Variants in TRPM7 observed in about 807,000 individuals in gnomAD.
TRPM7 encodes the protein transient receptor potential cation channel subfamily M member 7.
TRPM7 carries 134 observed loss-of-function variants against 229.7 expected under a neutral mutation model. The ratio of observed to expected loss-of-function variants is 0.58; its 90% CI spans 0.51 to 0.67. The LOEUF is 0.67. Ranked by LOEUF, TRPM7 falls within the 30% of genes least tolerant of loss-of-function variation. The pLI is 0.00. For synonymous variants in TRPM7, 699 were observed against 715.2 expected (o/e 0.98, Z 0.36); for missense variants, 1,901 against 2,210.0 (o/e 0.86, Z 2.80).
Position 50,630,221 on chromosome 15 carries a change from T to G in TRPM7, c.1204+1196A>C, listed in dbSNP as rs914261532. Among the ~76,000 whole-genome samples the G allele has an allele frequency of 2.1e-5, 3 of 145,704 alleles. No individual in the cohort carries two copies. The East Asian group carries it at 6.9e-4, about 34-fold the overall frequency. On this transcript the variant is annotated intron_variant, in intron 10 of 38. Transcript: ENST00000646667. ...TTTTTTTTCCTTTTTGGTTTCTAGG[T>G]TTCCTATCACTTGTGATCTCTTGAT... is the stretch of plus-strand genomic sequence containing the variant.
chr15:50,587,748 A>T (rs1221828990), intron 27 of TRPM7, among the ~76,000 whole-genome samples: 1 of 152,192 alleles, frequency 6.6e-6, no homozygotes, highest in Non-Finnish European at 1.5e-5. Context: ...AAGAAAAAGA[A>T]AATGTGATGA....
intron 1 of TRPM7, among the ~76,000 whole-genome samples, chr15:50,674,324 G>A (rs2062050105): frequency 6.6e-6 from 1 of 151,952 alleles, no homozygotes; most frequent in African/African-American, 2.4e-5. Flanking sequence ...TAGAGATGAG[G>A]TTTCACCATG....
intron 8 of TRPM7, among the ~76,000 whole-genome samples, chr15:50,633,330 T>C (rs930063011): frequency 2.0e-5 from 3 of 152,208 alleles, no homozygotes; most frequent in Non-Finnish European, 4.4e-5. Context: ...TTCTTAAACA[T>C]AGGAACTCAC....
intron 12 of TRPM7, among the ~76,000 whole-genome samples, chr15:50,623,705 G>A (rs956976878): frequency 6.6e-5 from 10 of 151,466 alleles, no homozygotes; most frequent in African/African-American, 2.2e-4. Flanking sequence ...TACGAGAATA[G>A]TAAGTTTTCA....
intron 1 of TRPM7, among the ~76,000 whole-genome samples, chr15:50,680,104 G>A (rs1185738971): frequency 6.6e-6 from 1 of 151,862 alleles, no homozygotes; most frequent in Non-Finnish European, 1.5e-5. Flanking sequence ...CATGGTGGCG[G>A]GTGCCTGTAA....
chr15:50,594,252 C>A (rs1342581662), intron 24 of TRPM7, among the ~76,000 whole-genome samples, 177 bp downstream of exon 24: 1 of 152,120 alleles, frequency 6.6e-6, no homozygotes, highest in African/African-American at 2.4e-5. Flanking sequence ...ATGCTAAATC[C>A]ATTTTTATAG....
Position 50,574,866 on chromosome 15 carries a change from G to A in TRPM7, c.5005C>T (p.His1669Tyr), listed in dbSNP as rs1243938288. ...SSIYKEDTVL[H>Y]LCLREIQQQR... The stretch of plus-strand genomic sequence containing the variant: ...CTGACACTTACTCTCAGACAGAGAT[G>A]CAGAACTGTATCTTCTTTGTAAATA... Residue 1669 changes from histidine to tyrosine, a missense_variant, in exon 34 of 39, where the codon CAT becomes TAT. His to Tyr is a moderately conservative substitution (Grantham distance 83). Transcript: ENST00000646667. 3 of 1,611,224 alleles carry A rather than the reference G, an allele frequency of 1.9e-6. No individual in the cohort carries two copies. Among genetic ancestry groups the A allele is most frequent in the Non-Finnish European group, 2.5e-6 (3 of 1,178,102 alleles).
In TRPM7 at chr15:50,612,328, T is replaced by C. The variant is rs960475326; in HGVS notation, c.2051+221A>G. Among the ~76,000 whole-genome samples the C allele has an allele frequency of 2.0e-5, 3 of 152,164 alleles. No homozygotes were observed. The East Asian group carries it at 5.8e-4, about 29-fold the overall frequency. ...CTGCATTTCTTCTTTCTTGCTGAGATATTTAATTCTTGAGTTGCAAATATA... is the reference window on the plus strand; with the variant it reads ...CTGCATTTCTTCTTTCTTGCTGAGACATTTAATTCTTGAGTTGCAAATATA... On this transcript the variant is annotated intron_variant, in intron 16 of 38. Coordinates refer to ENST00000646667, the MANE Select transcript of TRPM7 (RefSeq NM_017672.6).
intron 21 of TRPM7, 29 bp from the exon 22 acceptor site, chr15:50,599,325 C>T: frequency 1.9e-6 from 3 of 1,542,934 alleles, no homozygotes; most frequent in Admixed American, 1.8e-5. Flanking sequence ...TGTTAAAATA[C>T]AAGGAAGTTT....
chr15:50,557,253 G>C lies in TRPM7; in HGVS notation c.*4425C>G, dbSNP rs767000959. On this transcript the variant is annotated 3_prime_UTR_variant, in exon 39 of 39. Transcript: ENST00000646667. ...ACATTACGACCCATCTCTTCAAGAG[G>C]AAGTCTGGTATTATGGAAAAACATT... is the stretch of plus-strand genomic sequence containing the variant. 6.6e-6 allele frequency: 1 copy of C among 152,160 alleles called. No individual in the cohort carries two copies. The highest frequency in any genetic ancestry group is 6.5e-5 in the Admixed American group (1 of 15,270). The allele number at this position is 152,160 out of a possible 1,614,324, so 9.4% of individuals were successfully genotyped here. A position where few individuals can be genotyped will look rare whatever the true frequency, so the allele number is the denominator to read the frequency against.
At chr15:50,570,580 C>G (rs993269154) in intron 36 of TRPM7, among the ~76,000 whole-genome samples, 1 of 151,318 alleles carries the variant, frequency 6.6e-6, no homozygotes, top group Non-Finnish European at 1.5e-5. Flanking sequence ...CAGTGGCTCA[C>G]GCCTGTAATC....
intron 13 of TRPM7, among the ~76,000 whole-genome samples, chr15:50,616,003 T>G (rs529881195): frequency 1.3e-5 from 2 of 152,208 alleles, no homozygotes; most frequent in African/African-American, 4.8e-5. Context: ...TATTTCCATC[T>G]TGAATACAAG....
chr15:50,660,612 A>G (rs1244510923), intron 2 of TRPM7, among the ~76,000 whole-genome samples: 1 of 152,158 alleles, frequency 6.6e-6, no homozygotes, highest in Admixed American at 6.5e-5. Context: ...CAGTCTCCCA[A>G]AGTGCTGGAA....
At chr15:50,620,302 T>A (rs950242840) in intron 12 of TRPM7, among the ~76,000 whole-genome samples, 2 of 148,482 alleles carry the variant, frequency 1.3e-5, no homozygotes, top group African/African-American at 5.0e-5. Flanking sequence ...TTTTTTCAAT[T>A]TTTTTCAATT....
chr15:50,681,459 T>C (rs1596357182), intron 1 of TRPM7, among the ~76,000 whole-genome samples: 2 of 152,234 alleles, frequency 1.3e-5, no homozygotes, highest in Admixed American at 6.5e-5. Context: ...GGCTAATGTA[T>C]AGCCCTATCT....
chr15:50,635,957 C>A (rs970100278), intron 7 of TRPM7, among the ~76,000 whole-genome samples: 2 of 149,802 alleles, frequency 1.3e-5, no homozygotes, highest in Non-Finnish European at 1.5e-5. Context: ...ACAGCCAGGG[C>A]GACAGTGCGA....
At chr15:50,683,181 C>A (rs912117091) in intron 1 of TRPM7, among the ~76,000 whole-genome samples, 2 of 151,664 alleles carry the variant, frequency 1.3e-5, no homozygotes, top group Non-Finnish European at 2.9e-5. Context: ...AGCCACTGCA[C>A]CCTGACCCAG....
chr15:50,587,134 A>C (rs2059364218), intron 27 of TRPM7, among the ~76,000 whole-genome samples: 1 of 152,218 alleles, frequency 6.6e-6, no homozygotes, highest in Non-Finnish European at 1.5e-5. Flanking sequence ...AGAAGCTATT[A>C]TCTTACATGT....
At chr15:50,663,566 T>C (rs953905156) in intron 1 of TRPM7, among the ~76,000 whole-genome samples, 12 of 152,202 alleles carry the variant, frequency 7.9e-5, no homozygotes, top group African/African-American at 2.4e-4. Flanking sequence ...ACTGTGTAGA[T>C]ACTATTGCTT....
Sources: allele counts gnomAD v4.1 joint callset (sites outside exome capture counted in the v4.1 genomes callset), GRCh38; gene constraint gnomAD v4.1.1; transcripts MANE v1.5; gene names NCBI Gene and HGNC (gene_info 2026-07-23, HGNC 2026-07-21).